Variants in GPM6A observed in about 807,000 individuals in gnomAD.
GPM6A encodes the protein neuronal membrane glycoprotein M6-a.
GPM6A carries 7 observed loss-of-function variants against 32.1 expected under a neutral mutation model. The observed-to-expected ratio is 0.22, with a 90% CI of 0.12 to 0.41. The LOEUF (loss-of-function observed/expected upper bound fraction) is 0.41, where lower values mean the gene tolerates loss of function less well. GPM6A is among the 10% of genes least tolerant of loss of function. The probability of loss-of-function intolerance (pLI) is 1.00; values close to 1 mark genes in which losing one functional copy is unlikely to be tolerated. For synonymous variants in GPM6A, 130 were observed against 123.4 expected (o/e 1.05, Z -0.35); for missense variants, 235 against 347.2 (o/e 0.68, Z 2.57).
intron 1 of GPM6A, among the ~76,000 whole-genome samples, chr4:175,946,790 T>C (rs560567319): frequency 6.6e-6 from 1 of 152,286 alleles, no homozygotes; most frequent in Non-Finnish European, 1.5e-5. Context: ...GGCTTGGATT[T>C]TTAAAATGCC....
intron 1 of GPM6A, among the ~76,000 whole-genome samples, chr4:175,777,131 G>A (rs1038826695): frequency 6.6e-6 from 1 of 152,144 alleles, no homozygotes; most frequent in African/African-American, 2.4e-5. Context: ...AAGATAGTGA[G>A]GTATACTGTT....
In GPM6A at chr4:176,000,886, T is replaced by C. The variant is rs538333601; in HGVS notation, c.-23+1423A>G. Among the ~76,000 whole-genome samples, 690 of 152,344 alleles carry C rather than the reference T, an allele frequency of 4.5e-3. 5 individuals are homozygous for C. The highest frequency in any genetic ancestry group is 9.3e-3 in the Admixed American group (142 of 15,304). ...CACTTGGGAAAATGTTTTATCTTTCTTTTTTAACCTGAAAATACTCCTTCC... is the reference window on the plus strand; with the variant it reads ...CACTTGGGAAAATGTTTTATCTTTCCTTTTTAACCTGAAAATACTCCTTCC... On this transcript the variant is annotated intron_variant, in intron 1 of 7. Coordinates refer to the GPM6A transcript ENST00000280187.
intron 1 of GPM6A, among the ~76,000 whole-genome samples, chr4:175,846,822 G>T (rs1471227154): frequency 6.6e-6 from 1 of 151,938 alleles, no homozygotes; most frequent in Non-Finnish European, 1.5e-5. Context: ...TACAGATCTT[G>T]CTCCTGCTTA....
At chr4:175,719,232 C>T (rs1306664573) in intron 1 of GPM6A, among the ~76,000 whole-genome samples, 5 of 150,064 alleles carry the variant, frequency 3.3e-5, no homozygotes, top group Non-Finnish European at 7.4e-5. Context: ...AGGAGTCTCG[C>T]TCTGTCACCA....
At chr4:175,923,828 A>G (rs555316255) in intron 1 of GPM6A, among the ~76,000 whole-genome samples, 1 of 152,272 alleles carries the variant, frequency 6.6e-6, no homozygotes, top group Admixed American at 6.5e-5. Context: ...TGCTGGGATT[A>G]CAGCTGTGAG....
At chr4:175,884,185 A>G (rs1056518488) in intron 1 of GPM6A, among the ~76,000 whole-genome samples, 2 of 152,158 alleles carry the variant, frequency 1.3e-5, no homozygotes, top group African/African-American at 4.8e-5. Context: ...AAATTCTTCA[A>G]TTTGGGTTAA....
intron 1 of GPM6A, among the ~76,000 whole-genome samples, chr4:175,969,999 C>A (rs891653160): frequency 2.6e-5 from 4 of 152,160 alleles, no homozygotes; most frequent in African/African-American, 9.7e-5. Context: ...ACTTTCAGGA[C>A]CAATTCAGCA....
chr4:175,724,907 T>C (rs1344364083), intron 1 of GPM6A, among the ~76,000 whole-genome samples: 1 of 152,106 alleles, frequency 6.6e-6, no homozygotes, highest in Non-Finnish European at 1.5e-5. Context: ...TGCCATACTC[T>C]CCTCCTTGCT....
intron 1 of GPM6A, among the ~76,000 whole-genome samples, chr4:175,775,174 A>C (rs547109619): frequency 9.2e-5 from 14 of 152,114 alleles, no homozygotes; most frequent in Non-Finnish European, 1.8e-4. Flanking sequence ...TATATAGAAG[A>C]AGCATCTCCA....
intron 1 of GPM6A, among the ~76,000 whole-genome samples, chr4:175,975,012 A>T (rs1414096339): frequency 6.6e-6 from 1 of 152,068 alleles, no homozygotes; most frequent in Non-Finnish European, 1.5e-5. Flanking sequence ...AACTACTTTC[A>T]ATTCCCTCAA....
intron 1 of GPM6A, among the ~76,000 whole-genome samples, chr4:175,974,513 G>A (rs1169638013): frequency 2.0e-5 from 3 of 151,666 alleles, no homozygotes; most frequent in Non-Finnish European, 2.9e-5. Context: ...GAGCCACCAT[G>A]CCCAGCCCTA....
intron 1 of GPM6A, among the ~76,000 whole-genome samples, chr4:175,957,950 T>C (rs1165505890): frequency 2.0e-5 from 3 of 152,210 alleles, no homozygotes; most frequent in Non-Finnish European, 4.4e-5. Context: ...TGGAGTGCAA[T>C]GGTGCAATCC....
intron 1 of GPM6A, among the ~76,000 whole-genome samples, chr4:175,725,840 T>C (rs1746375420): frequency 6.6e-6 from 1 of 152,154 alleles, no homozygotes; most frequent in Non-Finnish European, 1.5e-5. Context: ...ATGAATGCTT[T>C]GCAGTTCATT....
chr4:175,988,128 A>G (rs932582680), intron 1 of GPM6A, among the ~76,000 whole-genome samples: 4 of 152,194 alleles, frequency 2.6e-5, no homozygotes, highest in African/African-American at 9.6e-5. Flanking sequence ...ATTATTGACT[A>G]CAAAATATCC....
At chr4:175,749,701 C>A (rs1344526995) in intron 1 of GPM6A, among the ~76,000 whole-genome samples, 1 of 152,136 alleles carries the variant, frequency 6.6e-6, no homozygotes, top group African/African-American at 2.4e-5. Context: ...ACGAAGAATG[C>A]ATATGTAAAA....
chr4:175,807,637 T>C (rs968676912), intron 1 of GPM6A: 6 of 152,240 alleles, frequency 3.9e-5, no homozygotes, highest in African/African-American at 1.4e-4. Flanking sequence ...AGATTGCTAG[T>C]GCACTTACAG....
intron 1 of GPM6A, among the ~76,000 whole-genome samples, chr4:175,889,738 G>A (rs1178418641): frequency 1.3e-5 from 2 of 151,566 alleles, no homozygotes; most frequent in African/African-American, 4.9e-5. Flanking sequence ...GCGTGAACCC[G>A]GGAGGCGGAG....
At chr4:175,684,414 T>C (rs1238300458) in intron 2 of GPM6A, among the ~76,000 whole-genome samples, 1 of 152,218 alleles carries the variant, frequency 6.6e-6, no homozygotes, top group South Asian at 2.1e-4. Context: ...TCTTCTAGCA[T>C]GTGTCCAGTT....
intron 1 of GPM6A, among the ~76,000 whole-genome samples, chr4:175,821,561 CA>C (rs1484305001): frequency 2.0e-5 from 3 of 151,968 alleles, no homozygotes; most frequent in African/African-American, 7.2e-5. Context: ...AACATTTTTA[CA>C]AAATTGAATC....
Sources: gnomAD v4.1 joint callset for allele counts (sites outside exome capture counted in the v4.1 genomes callset) on GRCh38, gnomAD v4.1.1 for gene constraint, MANE v1.5 for transcripts, NCBI Gene and HGNC (gene_info 2026-07-23, HGNC 2026-07-21) for gene names.